NECAB1: variants seen among roughly 807,000 people sequenced by gnomAD.
The protein encoded by NECAB1 is N-terminal EF-hand calcium binding protein 1.
A neutral mutation model predicts 57.5 loss-of-function variants in NECAB1; 29 were observed. That is an observed-to-expected ratio of 0.50 (90% confidence interval 0.38 to 0.69). The LOEUF (loss-of-function observed/expected upper bound fraction) is 0.69. NECAB1 is among the 30% of genes least tolerant of loss of function. The pLI, the probability that NECAB1 is intolerant of heterozygous loss-of-function variation, is 0.00. For synonymous variants in NECAB1, 142 were observed against 147.7 expected (o/e 0.96, Z 0.28); for missense variants, 372 against 413.8 (o/e 0.90, Z 0.88).
intron 2 of NECAB1, among the ~76,000 whole-genome samples, chr8:90,807,461 C>A (rs56895928): frequency 0.11 from 17,402 of 152,142 alleles, 1,561 homozygotes; most frequent in African/African-American, 0.25. Flanking sequence ...CATCACCTAG[C>A]AACACTTCAG....
intron 5 of NECAB1, among the ~76,000 whole-genome samples, chr8:90,902,453 T>G (rs548664045): frequency 3.9e-5 from 6 of 152,240 alleles, no homozygotes; most frequent in Admixed American, 3.9e-4. Context: ...TACTATTAAG[T>G]TACATACGTA....
chr8:90,864,398 A>G (rs1808470169), intron 3 of NECAB1, among the ~76,000 whole-genome samples: 1 of 151,802 alleles, frequency 6.6e-6, no homozygotes, highest in Middle Eastern at 3.2e-3. Context: ...GACTTAAACT[A>G]CTCAGCAACA....
At chr8:90,903,878 T>C (rs935922011) in intron 5 of NECAB1, 5 of 152,180 alleles carry the variant, frequency 3.3e-5, no homozygotes, top group Admixed American at 3.3e-4. Context: ...TTGAAGACTT[T>C]CAGCACTGGG....
chr8:90,939,290 C>T (rs1322087230), intron 9 of NECAB1, among the ~76,000 whole-genome samples: 3 of 152,244 alleles, frequency 2.0e-5, no homozygotes, highest in African/African-American at 7.2e-5. Context: ...GGAAATCCAC[C>T]GGCCTCTTAG....
At chr8:90,953,817 C>T (rs1417901096) in intron 12 of NECAB1, among the ~76,000 whole-genome samples, 1 of 152,024 alleles carries the variant, frequency 6.6e-6, no homozygotes, top group Non-Finnish European at 1.5e-5. Context: ...GCCTGTAATC[C>T]CAGCACTTTG....
intron 4 of NECAB1, among the ~76,000 whole-genome samples, chr8:90,875,364 C>G (rs1462229485): frequency 6.7e-6 from 1 of 150,020 alleles, no homozygotes; most frequent in African/African-American, 2.5e-5. Flanking sequence ...GCCTGTAGTC[C>G]CAGCTACTCG....
chr8:90,907,601 T>G lies in NECAB1; in HGVS notation c.358-9891T>G, dbSNP rs192757745. Among the ~76,000 whole-genome samples the G allele has an allele frequency of 2.0e-5, 3 of 152,306 alleles. No individual in the cohort carries two copies. In the East Asian group the frequency reaches 5.8e-4, roughly 29 times the overall value. On this transcript the variant is annotated intron_variant, in intron 5 of 12. Coordinates refer to ENST00000417640, the MANE Select transcript of NECAB1 (RefSeq NM_022351.5). ...TTCCTTTTTCTGACAGCTATGAAAT[T>G]GGGATATATCTATCAATTGATGGTG... is the stretch of plus-strand genomic sequence containing the variant.
intron 10 of NECAB1, among the ~76,000 whole-genome samples, chr8:90,941,932 T>C (rs1810679733): frequency 6.6e-6 from 1 of 152,212 alleles, no homozygotes; most frequent in African/African-American, 2.4e-5. Context: ...TATTTCATAA[T>C]GCTCTTCAAA....
At chr8:90,828,442 C>T (rs1485735222) in intron 3 of NECAB1, among the ~76,000 whole-genome samples, 3 of 152,036 alleles carry the variant, frequency 2.0e-5, no homozygotes, top group South Asian at 2.1e-4. Context: ...CAGGCACAAG[C>T]TTAAGCTCAG....
At chr8:90,815,226 A>T (rs1812039364) in intron 2 of NECAB1, among the ~76,000 whole-genome samples, 1 of 152,062 alleles carries the variant, frequency 6.6e-6, no homozygotes, top group African/African-American at 2.4e-5. Flanking sequence ...GCACAGTCTT[A>T]TATACAGTTT....
At chr8:90,854,661 A>G (rs1812759707) in intron 3 of NECAB1, among the ~76,000 whole-genome samples, 1 of 152,204 alleles carries the variant, frequency 6.6e-6, no homozygotes, top group African/African-American at 2.4e-5. Context: ...CAGTGAGCAA[A>G]TACTCCAAAG....
chr8:90,819,724 G>A (rs951550997), intron 2 of NECAB1, among the ~76,000 whole-genome samples: 1 of 151,860 alleles, frequency 6.6e-6, no homozygotes, highest in African/African-American at 2.4e-5. Context: ...TGACACTTTT[G>A]CAGGTGTTTT....
At chr8:90,907,151 T>TGAGAGAGAGAGAGAGA (rs71266152) in intron 5 of NECAB1, among the ~76,000 whole-genome samples, 5 of 102,036 alleles carry the variant, frequency 4.9e-5, no homozygotes, top group Admixed American at 1.1e-4. Flanking sequence ...TGTGTGTGTG[T>TGAGAGAGAGAGAGAGA]GAGAGAGAGA....
rs745599002 is a variant in NECAB1 at position 90,906,872 on chromosome 8, TAC to T, written c.358-10616_358-10615del. Reference sequence around the variant, plus strand: ...ATCCACCTTTTCCTTACATATGATATACACATATATATATATATATATATATA... The same window carrying T: ...ATCCACCTTTTCCTTACATATGATATACATATATATATATATATATATATA... On this transcript the variant is annotated intron_variant, in intron 5 of 12. Coordinates refer to ENST00000417640, the MANE Select transcript of NECAB1 (RefSeq NM_022351.5). Among the ~76,000 whole-genome samples the T allele has an allele frequency of 3.3e-4, 36 of 109,012 alleles. 2 individuals are homozygous for T. Among genetic ancestry groups the T allele is most frequent in the Middle Eastern group, 4.4e-3 (1 of 228 alleles). 71.5% of individuals were successfully genotyped at this position (109,012 alleles called of 152,430 possible).
chr8:90,934,619 T>C (rs1030129527), intron 9 of NECAB1, among the ~76,000 whole-genome samples: 1 of 152,136 alleles, frequency 6.6e-6, no homozygotes, highest in African/African-American at 2.4e-5. Flanking sequence ...TATTGAATAA[T>C]TGAAGGAATA....
chr8:90,854,608 T>A (rs1812757716), intron 3 of NECAB1, among the ~76,000 whole-genome samples: 1 of 152,202 alleles, frequency 6.6e-6, no homozygotes, highest in African/African-American at 2.4e-5. Flanking sequence ...TTAATGTAGG[T>A]ACAGCAAGAT....
At chr8:90,838,556 A>G (rs1214647828) in intron 3 of NECAB1, among the ~76,000 whole-genome samples, 1 of 152,200 alleles carries the variant, frequency 6.6e-6, no homozygotes, top group East Asian at 1.9e-4. Context: ...GCACACTCAC[A>G]CCCACAGTCA....
chr8:90,837,879 A>G (rs146241597), intron 3 of NECAB1, among the ~76,000 whole-genome samples: 67 of 152,298 alleles, frequency 4.4e-4, no homozygotes, highest in African/African-American at 1.5e-3. Context: ...TTGTTTTACT[A>G]TTTAATCTAA....
In NECAB1 at chr8:90,922,683, G is replaced by C. The variant is rs28469878; in HGVS notation, c.495-2852G>C. On this transcript the variant is annotated intron_variant, in intron 6 of 12. Coordinates refer to ENST00000417640, the MANE Select transcript of NECAB1 (RefSeq NM_022351.5). The stretch of plus-strand genomic sequence containing the variant: ...AATTTTTGTGTTTTTAGTAGAGACG[G>C]GGTTTCACCATGTTGGCCAAGCTGG... Among the ~76,000 whole-genome samples the C allele has an allele frequency of 5.8e-3, 880 of 151,714 alleles. 5 individuals carry two copies. The highest frequency in any genetic ancestry group is 9.9e-3 in the Non-Finnish European group (674 of 67,896).
Sources: gnomAD v4.1 joint callset for allele counts (sites outside exome capture counted in the v4.1 genomes callset) on GRCh38, gnomAD v4.1.1 for gene constraint, MANE v1.5 for transcripts, NCBI Gene and HGNC (gene_info 2026-07-23, HGNC 2026-07-21) for gene names.